Variants in JAK1 observed in about 807,000 individuals in gnomAD.
JAK1 encodes the protein tyrosine-protein kinase JAK1.
In JAK1, 16 loss-of-function variants were observed where a neutral mutation model predicts 136.6. That is an observed-to-expected ratio of 0.12 (90% confidence interval 0.08 to 0.18). The LOEUF (loss-of-function observed/expected upper bound fraction) is 0.18. JAK1 is among the 10% of genes least tolerant of loss of function. JAK1 has a pLI of 1.00. For synonymous variants in JAK1, 492 were observed against 519.5 expected, an observed-to-expected ratio of 0.95 and a Z score of 0.72; for missense variants, 859 against 1,450.1, an observed-to-expected ratio of 0.59 and a Z score of 6.62.
intron 4 of JAK1, among the ~76,000 whole-genome samples, chr1:64,875,677 G>A (rs1657359078): frequency 1.3e-5 from 2 of 152,154 alleles, no homozygotes; most frequent in Admixed American, 1.3e-4. Flanking sequence ...TTTGACTGTG[G>A]GCTTTGGTGT....
intron 1 of JAK1, among the ~76,000 whole-genome samples, chr1:64,943,129 C>A (rs1273399367): frequency 6.6e-6 from 1 of 152,086 alleles, no homozygotes; most frequent in Non-Finnish European, 1.5e-5. Flanking sequence ...AATAACTAAA[C>A]TTTATTATAT....
At chr1:65,052,261 A>C (rs920854294) in intron 1 of JAK1, among the ~76,000 whole-genome samples, 2 of 151,794 alleles carry the variant, frequency 1.3e-5, no homozygotes, top group African/African-American at 4.8e-5. Flanking sequence ...GTACTTGGCA[A>C]TCTCCTCCAG....
chr1:64,963,535 A>G (rs1233410194), intron 1 of JAK1, among the ~76,000 whole-genome samples: 1 of 152,148 alleles, frequency 6.6e-6, no homozygotes, highest in African/African-American at 2.4e-5. Context: ...GCGGCTTTTT[A>G]CTCAACATAT....
chr1:65,049,017 T>TA (rs1647218440), intron 1 of JAK1, among the ~76,000 whole-genome samples: 1 of 152,246 alleles, frequency 6.6e-6, no homozygotes, highest in South Asian at 2.1e-4. Flanking sequence ...GATCTATTTC[T>TA]AGAATTGGAA....
At chr1:64,939,272 C>T (rs1645845323) in intron 1 of JAK1, among the ~76,000 whole-genome samples, 1 of 152,250 alleles carries the variant, frequency 6.6e-6, no homozygotes, top group African/African-American at 2.4e-5. Flanking sequence ...TGAACATATA[C>T]ATATAAGCAC....
At chr1:65,002,187 G>A (rs1363219546) in intron 2 of JAK1, 3 of 152,210 alleles carry the variant, frequency 2.0e-5, no homozygotes. Context: ...ATACGTATGT[G>A]TATATATGCA....
At chr1:64,851,413 C>G (rs4916007) in intron 11 of JAK1, among the ~76,000 whole-genome samples, 1 of 152,104 alleles carries the variant, frequency 6.6e-6, no homozygotes, top group Admixed American at 6.6e-5. Context: ...AAGCAGTACC[C>G]GGGCCCAGGG....
At chr1:64,965,749 A>G (rs940968590) in intron 1 of JAK1, among the ~76,000 whole-genome samples, 1 of 152,054 alleles carries the variant, frequency 6.6e-6, no homozygotes, top group Non-Finnish European at 1.5e-5. Flanking sequence ...CCTGGTTCCT[A>G]ACAGAACCTA....
intron 2 of JAK1, among the ~76,000 whole-genome samples, chr1:65,008,158 C>T (rs1181842934): frequency 6.6e-6 from 1 of 152,164 alleles, no homozygotes; most frequent in African/African-American, 2.4e-5. Context: ...TCCAGGAAGC[C>T]ACCCGTATGG....
intron 1 of JAK1, among the ~76,000 whole-genome samples, chr1:64,937,267 G>C (rs779659900): frequency 1.7e-4 from 26 of 152,124 alleles, no homozygotes; most frequent in Non-Finnish European, 2.9e-4. Context: ...AGAGGCATAA[G>C]CTCCAACCCC....
intron 1 of JAK1, among the ~76,000 whole-genome samples, chr1:64,951,564 G>A (rs1468282190): frequency 1.3e-5 from 2 of 150,676 alleles, no homozygotes; most frequent in African/African-American, 4.9e-5. Context: ...CTTCAGGCAT[G>A]ACACAGAAGC....
At chr1:64,891,680 G>A (rs968967607) in intron 1 of JAK1, among the ~76,000 whole-genome samples, 1 of 152,196 alleles carries the variant, frequency 6.6e-6, no homozygotes, top group Non-Finnish European at 1.5e-5. Context: ...CTGCTATGCT[G>A]AGACGTGGAA....
chr1:64,972,960 A>T (rs1167953441), intron 2 of JAK1: 1 of 152,000 alleles, frequency 6.6e-6, no homozygotes, highest in Non-Finnish European at 1.5e-5. Flanking sequence ...ACTCTATAAA[A>T]AATTTAAAAA....
intron 2 of JAK1, chr1:64,993,215 G>A (rs910319245): frequency 1.3e-5 from 2 of 152,132 alleles, no homozygotes; most frequent in Admixed American, 1.3e-4. Flanking sequence ...TTTTAAAGTC[G>A]ACTTTTAAAA....
At chr1:65,060,810 C>A (rs1647759976) in intron 1 of JAK1, among the ~76,000 whole-genome samples, 1 of 152,114 alleles carries the variant, frequency 6.6e-6, no homozygotes, top group Admixed American at 6.5e-5. Context: ...TATAAACGTG[C>A]ATTTTTGAAA....
chr1:64,911,377 C>T (rs1235116056), intron 1 of JAK1, among the ~76,000 whole-genome samples: 2 of 152,152 alleles, frequency 1.3e-5, no homozygotes, highest in African/African-American at 2.4e-5. Flanking sequence ...ACTGGGGCTG[C>T]CCCAGGCAAA....
chr1:64,847,256 T>G (rs1246997344), intron 13 of JAK1, among the ~76,000 whole-genome samples: 1 of 150,972 alleles, frequency 6.6e-6, no homozygotes, highest in Non-Finnish European at 1.5e-5. Context: ...GTCCTAGGGC[T>G]CCACAGCACA....
At position 64,931,554 on chromosome 1, in the gene JAK1, T is replaced by C. The variant is rs1484552243; in HGVS notation, c.-78+34779A>G. 2.0e-5 allele frequency among the ~76,000 whole-genome samples: 3 copies of C among 151,946 alleles called. No individual in the cohort carries two copies. The East Asian group carries it at 5.8e-4, about 29-fold the overall frequency. On this transcript the variant is annotated intron_variant, in intron 1 of 24. Transcript: ENST00000342505. ...ACCATGGTGGCACAAGGCTGAGTGG[T>C]TGTATCCTAGGCAATTACTACGCTC... is the stretch of plus-strand genomic sequence containing the variant.
rs773599515 is a variant in JAK1, at chr1:64,894,134, G to A, written c.-77-7793C>T. On this transcript the variant is annotated intron_variant, in intron 1 of 24. Transcript: ENST00000342505. Reference sequence around the variant, plus strand: ...GGAACAGCCTGATAAGGACACCACTGCTCGCACAGCCTCCACCGGTCACCA... The same window carrying A: ...GGAACAGCCTGATAAGGACACCACTACTCGCACAGCCTCCACCGGTCACCA... Among the ~76,000 whole-genome samples, 73 of 152,136 alleles carry A rather than the reference G, an allele frequency of 4.8e-4. 2 individuals carry two copies. The highest frequency in any genetic ancestry group is 1.3e-4 in the Non-Finnish European group (9 of 68,016).
Sources: gnomAD v4.1 joint callset for allele counts (sites outside exome capture counted in the v4.1 genomes callset) on GRCh38, gnomAD v4.1.1 for gene constraint, MANE v1.5 for transcripts, NCBI Gene and HGNC (gene_info 2026-07-23, HGNC 2026-07-21) for gene names.